Variants in AGBL1 observed in about 807,000 individuals in gnomAD.
The protein encoded by AGBL1 is cytosolic carboxypeptidase 4.
A neutral mutation model predicts 118.9 loss-of-function variants in AGBL1; 130 were observed. The observed-to-expected ratio is 1.09, with a 90% CI of 0.95 to 1.26. AGBL1 has a LOEUF of 1.26. AGBL1 is among the 50% of genes most tolerant of loss of function. AGBL1 has a pLI of 0.00. For synonymous variants in AGBL1, 555 were observed against 478.9 expected, an observed-to-expected ratio of 1.16 and a Z score of -2.08; for missense variants, 1,584 against 1,298.1, an observed-to-expected ratio of 1.22 and a Z score of -3.38.
At chr15:86,875,681 G>A (rs1356286641) in intron 22 of AGBL1, among the ~76,000 whole-genome samples, 1 of 152,122 alleles carries the variant, frequency 6.6e-6, no homozygotes, top group East Asian at 1.9e-4. Context: ...CCAACTTTCT[G>A]GCCTCCATGT....
intron 22 of AGBL1, among the ~76,000 whole-genome samples, chr15:86,685,883 C>A (rs558623367): frequency 8.5e-5 from 13 of 152,178 alleles, no homozygotes; most frequent in African/African-American, 3.1e-4. Context: ...AAAATGTGAT[C>A]TATATAAATC....
intron 4 of AGBL1, among the ~76,000 whole-genome samples, chr15:86,158,400 C>G (rs2077221530): frequency 6.6e-6 from 1 of 152,132 alleles, no homozygotes; most frequent in South Asian, 2.1e-4. Flanking sequence ...ATTCATAGGT[C>G]TTTGTCTTAA....
chr15:86,189,372 C>T (rs1292716519), intron 5 of AGBL1, among the ~76,000 whole-genome samples: 1 of 152,164 alleles, frequency 6.6e-6, no homozygotes, highest in Non-Finnish European at 1.5e-5. Context: ...ATCTAAAAGC[C>T]TGCTGTTGCC....
intron 22 of AGBL1, among the ~76,000 whole-genome samples, chr15:86,684,453 A>C (rs1053901099): frequency 1.6e-5 from 2 of 125,244 alleles, no homozygotes; most frequent in Non-Finnish European, 3.3e-5. Context: ...AGTACCTAGC[A>C]TAGTTCTCTC....
chr15:86,379,379 T>A (rs2141957409), intron 17 of AGBL1, among the ~76,000 whole-genome samples: 1 of 152,366 alleles, frequency 6.6e-6, no homozygotes, highest in East Asian at 1.9e-4. Flanking sequence ...TAAATTTTTA[T>A]GTTTTACAGA....
chr15:86,542,356 A>G (rs1013352549), intron 19 of AGBL1, among the ~76,000 whole-genome samples: 1 of 116,376 alleles, frequency 8.6e-6, no homozygotes, highest in Non-Finnish European at 1.7e-5. Context: ...CACCATTGAG[A>G]TTTTTTTTTT....
chr15:86,918,705 C>T (rs2080454764), downstream of AGBL1, among the ~76,000 whole-genome samples: 1 of 152,250 alleles, frequency 6.6e-6, no homozygotes, highest in Non-Finnish European at 1.5e-5. Flanking sequence ...AGAAATCTTA[C>T]CATGGGCTGA....
chr15:86,598,248 A>G (rs1365794196), intron 21 of AGBL1, among the ~76,000 whole-genome samples: 1 of 152,148 alleles, frequency 6.6e-6, no homozygotes, highest in African/African-American at 2.4e-5. Flanking sequence ...GCAGCTGTGA[A>G]GAAGCATTTA....
At chr15:86,655,220 G>T (rs2085443325) in intron 21 of AGBL1, among the ~76,000 whole-genome samples, 1 of 152,128 alleles carries the variant, frequency 6.6e-6, no homozygotes, top group Non-Finnish European at 1.5e-5. Flanking sequence ...CATTCAAACA[G>T]ACCTTCCTTT....
chr15:86,933,830 C>T (rs907616722), intron 23 of AGBL1, among the ~76,000 whole-genome samples: 1 of 152,218 alleles, frequency 6.6e-6, no homozygotes, highest in African/African-American at 2.4e-5. Flanking sequence ...CATAGGCTCC[C>T]TTGCCGGAGG....
chr15:86,486,080 G>T (rs2082708773), intron 18 of AGBL1, among the ~76,000 whole-genome samples: 1 of 152,084 alleles, frequency 6.6e-6, no homozygotes, highest in South Asian at 2.1e-4. Context: ...CCTCTGCACA[G>T]CTTAGTCTCC....
At chr15:86,169,595 C>T (rs2077387541) in intron 5 of AGBL1, among the ~76,000 whole-genome samples, 1 of 152,170 alleles carries the variant, frequency 6.6e-6, no homozygotes, top group Non-Finnish European at 1.5e-5. Flanking sequence ...TATGCACTTC[C>T]TCCTGTATAC....
chr15:86,559,799 T>C (rs1009093839), intron 21 of AGBL1, among the ~76,000 whole-genome samples: 1 of 152,146 alleles, frequency 6.6e-6, no homozygotes, highest in African/African-American at 2.4e-5. Flanking sequence ...CAGACAGATA[T>C]GTTGCTGGGA....
chr15:86,526,153 A>C (rs2083259268), intron 19 of AGBL1, among the ~76,000 whole-genome samples: 1 of 152,156 alleles, frequency 6.6e-6, no homozygotes, highest in Non-Finnish European at 1.5e-5. Context: ...GTAAATTAAA[A>C]CTGCAGTGAG....
At chr15:86,796,117 C>T (rs1051271954) in intron 22 of AGBL1, among the ~76,000 whole-genome samples, 2 of 152,018 alleles carry the variant, frequency 1.3e-5, no homozygotes, top group African/African-American at 4.8e-5. Flanking sequence ...TAAACTTGGG[C>T]CCAGATGAAT....
intron 18 of AGBL1, among the ~76,000 whole-genome samples, chr15:86,446,174 C>CCTGCCA (rs1327064841): frequency 1.3e-5 from 2 of 152,210 alleles, no homozygotes; most frequent in Non-Finnish European, 2.9e-5. Flanking sequence ...CCTCCAGCAA[C>CCTGCCA]CTGCCACTCT....
chr15:86,461,079 T>C (rs1271067983), intron 18 of AGBL1, among the ~76,000 whole-genome samples: 2 of 152,152 alleles, frequency 1.3e-5, no homozygotes, highest in Non-Finnish European at 2.9e-5. Context: ...ATGTCAACCT[T>C]GGCTCAGCTC....
chr15:87,012,255 C>T (rs1296451282), intron 24 of AGBL1, among the ~76,000 whole-genome samples: 1 of 127,764 alleles, frequency 7.8e-6, no homozygotes, highest in African/African-American at 2.5e-5. Context: ...ATTATTCAGC[C>T]CAAGCTAGGT....
chr15:86,226,846 T>C (rs933808192), intron 6 of AGBL1, among the ~76,000 whole-genome samples: 5 of 152,210 alleles, frequency 3.3e-5, no homozygotes, highest in African/African-American at 1.2e-4. Context: ...AATGCTTTTA[T>C]AGGCTCTCCC....
Sources: allele counts gnomAD v4.1 joint callset (sites outside exome capture counted in the v4.1 genomes callset), GRCh38; gene constraint gnomAD v4.1.1; transcripts MANE v1.5; gene names NCBI Gene and HGNC (gene_info 2026-07-23, HGNC 2026-07-21).